Variants in TMEM132D observed in about 807,000 individuals in gnomAD.
TMEM132D encodes the protein transmembrane protein 132D.
A neutral mutation model predicts 62.3 loss-of-function variants in TMEM132D; 21 were observed. That is an observed-to-expected ratio of 0.34 (90% confidence interval 0.24 to 0.49). The LOEUF (loss-of-function observed/expected upper bound fraction) is 0.49, where lower values mean the gene tolerates loss of function less well. TMEM132D is among the 20% of genes least tolerant of loss of function. The pLI, the probability that TMEM132D is intolerant of heterozygous loss-of-function variation, is 0.99. For missense variants in TMEM132D, 1,346 were observed against 1,402.8 expected (o/e 0.96, Z 0.65); for synonymous variants, 621 against 575.6 (o/e 1.08, Z -1.13).
intron 4 of TMEM132D, chr12:129,209,952 C>G (rs754327313): frequency 2.1e-5 from 8 of 384,796 alleles, no homozygotes; most frequent in Non-Finnish European, 3.8e-5. Flanking sequence ...ACTTATGTGT[C>G]AGGCACCCTT....
intron 1 of TMEM132D, among the ~76,000 whole-genome samples, chr12:129,738,481 G>A (rs565266094): frequency 6.6e-6 from 1 of 152,344 alleles, no homozygotes; most frequent in Admixed American, 6.5e-5. Context: ...GCAAGTCTTT[G>A]ATGTGTAGCC....
intron 3 of TMEM132D, among the ~76,000 whole-genome samples, chr12:129,520,061 T>C (rs1237642105): frequency 6.6e-6 from 1 of 152,136 alleles, no homozygotes; most frequent in African/African-American, 2.4e-5. Context: ...ACAGTACTGT[T>C]TTTGTTAGTG....
chr12:129,732,033 G>T (rs567418959), intron 1 of TMEM132D, among the ~76,000 whole-genome samples: 2 of 152,036 alleles, frequency 1.3e-5, no homozygotes, highest in South Asian at 2.1e-4. Context: ...TGCTACCATC[G>T]AGTGTAGGCC....
intron 2 of TMEM132D, among the ~76,000 whole-genome samples, chr12:129,609,689 T>G (rs984207470): frequency 1.3e-5 from 2 of 152,124 alleles, no homozygotes; most frequent in African/African-American, 4.8e-5. Context: ...GGCCAGTGTC[T>G]CCTCATCCCA....
chr12:129,114,541 C>T (rs919844934), intron 5 of TMEM132D, among the ~76,000 whole-genome samples: 1 of 151,900 alleles, frequency 6.6e-6, no homozygotes, highest in African/African-American at 2.4e-5. Flanking sequence ...TTATCGCATA[C>T]AGCTAAGTGT....
chr12:129,680,139 GC>G (rs1338376513), intron 2 of TMEM132D, among the ~76,000 whole-genome samples: 2 of 152,300 alleles, frequency 1.3e-5, no homozygotes, highest in South Asian at 2.1e-4. Flanking sequence ...CTCTGTGTGT[GC>G]CCATGTGCTG....
At chr12:129,524,085 G>A (rs999585601) in intron 3 of TMEM132D, among the ~76,000 whole-genome samples, 5 of 151,958 alleles carry the variant, frequency 3.3e-5, no homozygotes, top group African/African-American at 1.2e-4. Flanking sequence ...CTGTCGTGGG[G>A]TGGGGGGAGT....
intron 4 of TMEM132D, among the ~76,000 whole-genome samples, chr12:129,291,423 A>G (rs191245723): frequency 7.9e-5 from 12 of 152,312 alleles, no homozygotes; most frequent in African/African-American, 2.4e-4. Flanking sequence ...CAATGATCTC[A>G]AATAATTGCA....
At chr12:129,213,982 C>T (rs182260507) in intron 4 of TMEM132D, among the ~76,000 whole-genome samples, 130 of 152,318 alleles carry the variant, frequency 8.5e-4, no homozygotes, top group Middle Eastern at 3.4e-3. Flanking sequence ...AGAATAGTTT[C>T]GTTGAGGGCT....
chr12:129,508,389 G>A (rs1875403886), intron 3 of TMEM132D, among the ~76,000 whole-genome samples: 1 of 152,204 alleles, frequency 6.6e-6, no homozygotes, highest in Non-Finnish European at 1.5e-5. Context: ...TGTGCTAGCT[G>A]AAGCACTGGA....
chr12:129,316,128 G>A (rs1286672747), intron 4 of TMEM132D, among the ~76,000 whole-genome samples: 1 of 151,774 alleles, frequency 6.6e-6, no homozygotes, highest in African/African-American at 2.4e-5. Flanking sequence ...TTTTGTTGTT[G>A]TTCTTTCAAT....
At chr12:129,180,049 A>G (rs1197347786) in intron 5 of TMEM132D, among the ~76,000 whole-genome samples, 1 of 152,036 alleles carries the variant, frequency 6.6e-6, no homozygotes, top group Non-Finnish European at 1.5e-5. Context: ...AAAAAAAAAA[A>G]AAGTGACACC....
intron 4 of TMEM132D, among the ~76,000 whole-genome samples, chr12:129,285,419 C>T (rs189503412): frequency 4.6e-5 from 7 of 150,908 alleles, no homozygotes; most frequent in Admixed American, 6.6e-5. Flanking sequence ...CCCAGCGACC[C>T]GGGAGGCTGA....
chr12:129,808,743 C>A (rs955909792), intron 1 of TMEM132D, among the ~76,000 whole-genome samples: 2 of 150,798 alleles, frequency 1.3e-5, no homozygotes, highest in African/African-American at 4.9e-5. Flanking sequence ...GAAGGAAGAA[C>A]AGAATGAACA....
intron 1 of TMEM132D, among the ~76,000 whole-genome samples, chr12:129,734,020 A>G (rs929188843): frequency 6.6e-6 from 1 of 152,174 alleles, no homozygotes; most frequent in Non-Finnish European, 1.5e-5. Flanking sequence ...CTTCGTTCCC[A>G]CAGCTGCAAT....
intron 3 of TMEM132D, among the ~76,000 whole-genome samples, chr12:129,453,910 A>T (rs780967044): frequency 2.6e-5 from 4 of 152,190 alleles, no homozygotes; most frequent in Non-Finnish European, 5.9e-5. Flanking sequence ...CATCTGCCCT[A>T]AAACTTGTTT....
intron 6 of TMEM132D, among the ~76,000 whole-genome samples, chr12:129,083,570 C>T (rs189231122): frequency 6.6e-6 from 1 of 152,320 alleles, no homozygotes; most frequent in Non-Finnish European, 1.5e-5. Context: ...CTGAGACCCA[C>T]AGCCTTCGTC....
chr12:129,843,876 C>T lies in TMEM132D; in HGVS notation c.79+59385G>A, dbSNP rs561023933. 1.5e-3 allele frequency among the ~76,000 whole-genome samples: 232 copies of T among 151,978 alleles called. 1 individual carries two copies. Among genetic ancestry groups the T allele is most frequent in the Middle Eastern group, 0.01 (3 of 294 alleles). On this transcript the variant is annotated intron_variant, in intron 1 of 8. Transcript: ENST00000422113. Reference sequence around the variant, plus strand: ...GGCCGAGGTGGGGGGATTGCTTGAGCCCAGGAGTTCAGGGCCAGCCTGGGC... The same window carrying T: ...GGCCGAGGTGGGGGGATTGCTTGAGTCCAGGAGTTCAGGGCCAGCCTGGGC...
chr12:129,674,622 C>T (rs551031921), intron 2 of TMEM132D, among the ~76,000 whole-genome samples: 2 of 152,166 alleles, frequency 1.3e-5, no homozygotes, highest in Non-Finnish European at 2.9e-5. Flanking sequence ...TGACTGCAAC[C>T]TCCGCCTCCC....
Sources: gnomAD v4.1 joint callset for allele counts (sites outside exome capture counted in the v4.1 genomes callset) on GRCh38, gnomAD v4.1.1 for gene constraint, MANE v1.5 for transcripts, NCBI Gene and HGNC (gene_info 2026-07-23, HGNC 2026-07-21) for gene names.